The following BRWD1 variants were observed in gnomAD, a reference collection of about 807,000 sequenced individuals.
BRWD1 encodes the protein bromodomain and WD repeat-containing protein 1.
BRWD1 carries 82 observed loss-of-function variants against 251.2 expected under a neutral mutation model. That is an observed-to-expected ratio of 0.33 (90% CI 0.27 to 0.39). The LOEUF (loss-of-function observed/expected upper bound fraction) is 0.39, where lower values mean the gene tolerates loss of function less well. Among genes scored for constraint, BRWD1 ranks in the 10% least tolerant of loss-of-function variants. The pLI is 1.00. For synonymous variants in BRWD1, 918 were observed against 902.8 expected, an observed-to-expected ratio of 1.02 and a Z score of -0.30; for missense variants, 2,233 against 2,711.6, an observed-to-expected ratio of 0.82 and a Z score of 3.92.
chr21:39,269,931 T>C lies in BRWD1; in HGVS notation c.1498A>G (p.Lys500Glu). ...DGSIFIWDIT[K>E]GTKMKHYFNM... The stretch of plus-strand genomic sequence containing the variant: ...AAATAATGTTTCATCTTGGTACCTT[T>C]TGTAATATCCCATATAAATATGCTG... Residue 500 changes from lysine to glutamate, a missense_variant, in exon 15 of 41, where the codon AAA (lysine) becomes GAA (glutamate). By Grantham distance (56) the Lys-to-Glu change is moderately conservative (BLOSUM62 1). Transcript: ENST00000342449. 1 of 1,556,260 alleles carries C rather than the reference T, an allele frequency of 6.4e-7. No homozygotes were observed. The highest frequency in any genetic ancestry group is 8.7e-7 in the Non-Finnish European group (1 of 1,150,286).
intron 38 of BRWD1, among the ~76,000 whole-genome samples, chr21:39,200,717 G>A (rs993221103): frequency 6.6e-6 from 1 of 152,200 alleles, no homozygotes; most frequent in African/African-American, 2.4e-5. Context: ...CGGGCACGGT[G>A]ACTCACTCCA....
intron 8 of BRWD1, among the ~76,000 whole-genome samples, chr21:39,286,606 C>A (rs2035647560): frequency 6.6e-6 from 1 of 151,770 alleles, no homozygotes; most frequent in Admixed American, 6.6e-5. Context: ...CCTCCACCTC[C>A]CGGCTTCAAG....
Position 39,188,967 on chromosome 21 carries a change from A to C in BRWD1, c.*7292T>G, listed in dbSNP as rs2031399382. ...GCATGCCCTTACCTCCTTCAGCTGG[A>C]CTCTGTGGGAAGAGAAGTGGCTTAA... On this transcript the variant is annotated 3_prime_UTR_variant, in exon 41 of 41. Transcript: ENST00000342449. 3 of 985,082 alleles carry C rather than the reference A, an allele frequency of 3.0e-6. No individual in the cohort carries two copies. The highest frequency in any genetic ancestry group is 5.2e-4 in the Middle Eastern group (1 of 1,936). The allele number at this position is 985,082 out of a possible 1,614,324, so 61.0% of individuals were successfully genotyped here.
intron 15 of BRWD1, among the ~76,000 whole-genome samples, chr21:39,268,442 CAAAAAAAA>C (rs35682732): frequency 5.5e-5 from 6 of 109,270 alleles, no homozygotes; most frequent in Non-Finnish European, 7.4e-5. Flanking sequence ...ACTCCATCTC[CAAAAAAAA>C]AAAAAAAAAA....
chr21:39,297,459 A>G (rs534764023), intron 5 of BRWD1: 96 of 950,582 alleles, frequency 1.0e-4, no homozygotes, highest in Admixed American at 6.2e-5. Context: ...CAAAACAACG[A>G]CATGGAGCTT....
chr21:39,300,333 C>T (rs752091733), intron 4 of BRWD1, among the ~76,000 whole-genome samples: 8 of 152,098 alleles, frequency 5.3e-5, no homozygotes, highest in Non-Finnish European at 8.8e-5. Flanking sequence ...TAGAGCAGGA[C>T]GGCAAGGCAG....
chr21:39,234,381 A>G (rs2033734792), intron 23 of BRWD1, among the ~76,000 whole-genome samples: 1 of 152,224 alleles, frequency 6.6e-6, no homozygotes, highest in Admixed American at 6.5e-5. Context: ...TATTATTAAG[A>G]AGGCATGGAA....
intron 18 of BRWD1, among the ~76,000 whole-genome samples, 164 bp downstream of exon 18, chr21:39,258,323 C>G (rs577858096): frequency 6.6e-6 from 1 of 152,176 alleles, no homozygotes; most frequent in African/African-American, 2.4e-5. Flanking sequence ...TTTGTTACTA[C>G]ATTATCTCAC....
rs1399597541 is a variant in BRWD1, at chr21:39,270,327, T to A, written c.1351A>T (p.Lys451Ter). Residue 451 changes from lysine to a stop codon, truncating the protein, a stop_gained, in exon 14 of 41, where the codon AAA becomes TAA. Coordinates refer to ENST00000342449, the MANE Select transcript of BRWD1 (RefSeq NM_033656.4). LOFTEE classifies it high-confidence loss of function. ...TGTCCAGTGTAAGAATTCCACACTTTGAGGACATGATCATTCACAGCTGTG... is the reference window on the plus strand; with the variant it reads ...TGTCCAGTGTAAGAATTCCACACTTAGAGGACATGATCATTCACAGCTGTG... ...VVTAVNDHVL[K>*]VWNSYTGQLL... 1 of 1,611,366 alleles carries A rather than the reference T, an allele frequency of 6.2e-7. No individual in the cohort carries two copies. Among genetic ancestry groups the A allele is most frequent in the Non-Finnish European group, 8.5e-7 (1 of 1,178,914 alleles).
At chr21:39,280,342 A>G in intron 8 of BRWD1, 94 bp from the exon 9 acceptor site, 1 of 975,036 alleles carries the variant, frequency 1.0e-6, no homozygotes, top group South Asian at 1.6e-5. Flanking sequence ...TGACAGTTTC[A>G]GGAAATAAAC....
chr21:39,240,869 T>A (rs2033964582), intron 21 of BRWD1, among the ~76,000 whole-genome samples: 1 of 151,984 alleles, frequency 6.6e-6, no homozygotes, highest in Admixed American at 6.6e-5. Flanking sequence ...AAACTCTACA[T>A]ACTAGGGTTT....
Position 39,187,417 on chromosome 21 carries a change from T to A in BRWD1, c.*8842A>T. ...GGGTTCTCTGTCTCTAGGAACAAAT[T>A]CTGAAAAATGAGTGAAAGTTCATGT... On this transcript the variant is annotated 3_prime_UTR_variant, in exon 41 of 41. Transcript: ENST00000342449. 2.6e-6 allele frequency: 4 copies of A among 1,546,022 alleles called. No individual in the cohort carries two copies. Among genetic ancestry groups the A allele is most frequent in the Non-Finnish European group, 3.5e-6 (4 of 1,149,754 alleles).
intron 4 of BRWD1, among the ~76,000 whole-genome samples, chr21:39,299,352 T>C (rs1262866521): frequency 6.6e-6 from 1 of 152,068 alleles, no homozygotes; most frequent in African/African-American, 2.4e-5. Context: ...TCATTTAGTA[T>C]CTAAATCATG....
chr21:39,318,500 G>T (rs574628203), upstream of BRWD1, among the ~76,000 whole-genome samples: 1 of 152,178 alleles, frequency 6.6e-6, no homozygotes, highest in African/African-American at 2.4e-5. Context: ...AGTAGATGAC[G>T]TTGGACCTCC....
chr21:39,297,176 C>T, intron 5 of BRWD1: 1 of 985,446 alleles, frequency 1.0e-6, no homozygotes, highest in Non-Finnish European at 1.2e-6. Context: ...AGGTTTGAAG[C>T]AGTCACACTG....
intron 4 of BRWD1, among the ~76,000 whole-genome samples, chr21:39,306,058 TTATCTTTAAG>T (rs1212094034): frequency 1.3e-5 from 2 of 150,954 alleles, no homozygotes; most frequent in Non-Finnish European, 2.9e-5. Context: ...TTGAGACTAG[TTATCTTTAAG>T]TATCTTTTTT....
At chr21:39,313,160 C>T (rs1280975031) in intron 2 of BRWD1, 59 bp from the exon 3 acceptor site, 4 of 1,493,878 alleles carry the variant, frequency 2.7e-6, no homozygotes, top group Non-Finnish European at 2.7e-6. Flanking sequence ...TCCCGTTTCA[C>T]CCCCGCCCAC....
intron 13 of BRWD1, among the ~76,000 whole-genome samples, chr21:39,272,608 CTT>C (rs777403730): frequency 1.7e-4 from 22 of 131,820 alleles, no homozygotes; most frequent in Admixed American, 2.3e-4. Context: ...AATAACATTG[CTT>C]TTTTTTTTTT....
At chr21:39,312,294 A>T (rs1282283285) in intron 4 of BRWD1, among the ~76,000 whole-genome samples, 1 of 152,268 alleles carries the variant, frequency 6.6e-6, no homozygotes, top group South Asian at 2.1e-4. Context: ...AGTAGAAAGG[A>T]GCACAAGCAC....
Sources: allele counts gnomAD v4.1 joint callset (sites outside exome capture counted in the v4.1 genomes callset), GRCh38; gene constraint gnomAD v4.1.1; transcripts MANE v1.5; gene names NCBI Gene and HGNC (gene_info 2026-07-23, HGNC 2026-07-21).